Variants in EIF5B observed in about 807,000 individuals in gnomAD.
The protein encoded by EIF5B is eukaryotic translation initiation factor 5B.
A neutral mutation model predicts 147.5 loss-of-function variants in EIF5B; 47 were observed. The observed-to-expected ratio is 0.32, with a 90% confidence interval of 0.25 to 0.41. EIF5B has a LOEUF of 0.41. Ranked by LOEUF, EIF5B falls within the 10% of genes least tolerant of loss-of-function variation. The pLI is 1.00. For synonymous variants in EIF5B, 455 were observed against 456.2 expected (o/e 1.00, Z 0.03); for missense variants, 1,064 against 1,413.2 (o/e 0.75, Z 3.96).
chr2:99,362,839 A>G (rs370053174), intron 4 of EIF5B, among the ~76,000 whole-genome samples: 30 of 151,000 alleles, frequency 2.0e-4, no homozygotes, highest in African/African-American at 6.3e-4. Flanking sequence ...GCTCACTGCA[A>G]CCTCCTCTTT....
At chr2:99,352,442 G>T (rs1402898862) in intron 1 of EIF5B, among the ~76,000 whole-genome samples, 1 of 151,104 alleles carries the variant, frequency 6.6e-6, no homozygotes, top group African/African-American at 2.4e-5. Context: ...TGATCCACCC[G>T]CTTTGGCTTC....
chr2:99,396,928 A>G (rs1431891018), intron 22 of EIF5B, 30 bp downstream of exon 22: 1 of 1,581,536 alleles, frequency 6.3e-7, no homozygotes, highest in Admixed American at 1.9e-5. Context: ...TCTGTGGGTC[A>G]TTTCTTAAAG....
At chr2:99,384,128 C>T (rs1462255435) in intron 14 of EIF5B, among the ~76,000 whole-genome samples, 5 of 138,610 alleles carry the variant, frequency 3.6e-5, no homozygotes, top group South Asian at 2.2e-4. Flanking sequence ...ACCCGGGAGG[C>T]GGAGCTTGCA....
intron 1 of EIF5B, among the ~76,000 whole-genome samples, chr2:99,352,145 T>TGA (rs1253744377): frequency 1.3e-5 from 2 of 152,246 alleles, no homozygotes; most frequent in Non-Finnish European, 2.9e-5. Flanking sequence ...AAATCCTTTA[T>TGA]GAGATATATG....
intron 1 of EIF5B, among the ~76,000 whole-genome samples, chr2:99,343,079 G>C (rs904609602): frequency 6.6e-6 from 1 of 151,610 alleles, no homozygotes. Flanking sequence ...TCATGCCTCA[G>C]CCTCCCAAGT....
intron 14 of EIF5B, among the ~76,000 whole-genome samples, chr2:99,386,542 T>C (rs1674812799): frequency 6.6e-6 from 1 of 151,220 alleles, no homozygotes; most frequent in Non-Finnish European, 1.5e-5. Context: ...TGTGTTTTTT[T>C]TTTTGGAGAC....
At chr2:99,374,394 A>G (rs921968051) in intron 9 of EIF5B, among the ~76,000 whole-genome samples, 1 of 150,874 alleles carries the variant, frequency 6.6e-6, no homozygotes, top group Non-Finnish European at 1.5e-5. Context: ...CTTACTATTT[A>G]TAAGTTTACC....
intron 23 of EIF5B, 96 bp downstream of exon 23, chr2:99,399,005 G>T: frequency 7.1e-7 from 1 of 1,403,438 alleles, no homozygotes; most frequent in Non-Finnish European, 9.7e-7. Context: ...CAGTTTGATT[G>T]TAGAATCTGA....
chr2:99,350,330 A>G (rs754912861), intron 1 of EIF5B, among the ~76,000 whole-genome samples: 2 of 152,172 alleles, frequency 1.3e-5, no homozygotes, highest in Non-Finnish European at 2.9e-5. Context: ...GTTAGATTAT[A>G]TGATAGTTCT....
At chr2:99,337,756 G>A (rs919321171) in intron 1 of EIF5B, among the ~76,000 whole-genome samples, 167 bp downstream of exon 1, 1 of 152,208 alleles carries the variant, frequency 6.6e-6, no homozygotes, top group African/African-American at 2.4e-5. Context: ...CGGGCCGGGT[G>A]GGCACGTAGG....
chr2:99,347,764 G>A (rs1278692821), intron 1 of EIF5B, among the ~76,000 whole-genome samples: 1 of 151,962 alleles, frequency 6.6e-6, no homozygotes, highest in Admixed American at 6.6e-5. Flanking sequence ...TGACAAAAAG[G>A]TTTAATTTAC....
intron 9 of EIF5B, among the ~76,000 whole-genome samples, chr2:99,373,279 G>T (rs1434713512): frequency 6.6e-6 from 1 of 152,154 alleles, no homozygotes; most frequent in East Asian, 1.9e-4. Flanking sequence ...CTAAAGAACA[G>T]AAATGTGTTT....
intron 8 of EIF5B, among the ~76,000 whole-genome samples, chr2:99,371,370 C>T (rs1674444698): frequency 6.6e-6 from 1 of 151,878 alleles, no homozygotes. Flanking sequence ...CATCTGTAGT[C>T]CCAGCTACTT....
At chr2:99,345,880 G>T (rs372302646) in intron 1 of EIF5B, among the ~76,000 whole-genome samples, 26 of 151,388 alleles carry the variant, frequency 1.7e-4, no homozygotes, top group East Asian at 1.2e-3. Flanking sequence ...GGAGGTCAAG[G>T]CTGCAGTGAG....
Position 99,379,430 on chromosome 2 carries a change from T to C in EIF5B, c.2061+2T>C. On this transcript the variant is annotated splice_donor_variant, in intron 12 of 23. Transcript: ENST00000289371. LOFTEE classifies it high-confidence loss of function. ...GAACAGACTAAGATGATTAAAAATGTAAGTACATTGTATTTCATGTATTTT... is the reference window on the plus strand; with the variant it reads ...GAACAGACTAAGATGATTAAAAATGCAAGTACATTGTATTTCATGTATTTT... The C allele has an allele frequency of 6.3e-7, 1 of 1,596,940 alleles. No homozygotes were observed. Among genetic ancestry groups the C allele is most frequent in the East Asian group, 2.2e-5 (1 of 44,734 alleles).
At chr2:99,371,145 A>G (rs1489656250) in intron 8 of EIF5B, 1 of 152,224 alleles carries the variant, frequency 6.6e-6, no homozygotes, top group Non-Finnish European at 1.5e-5. Context: ...CAGTAGTAGG[A>G]AATGGAAGCA....
At position 99,360,585 on chromosome 2, in the gene EIF5B, G is replaced by A. The variant is rs140951041; in HGVS notation, c.246+36G>A. ...GACCTTTGTTACCTATTCGTATTTCGTATTCTATTCTTTCTTCTTAATGTT... is the reference window on the plus strand; with the variant it reads ...GACCTTTGTTACCTATTCGTATTTCATATTCTATTCTTTCTTCTTAATGTT... On this transcript the variant is annotated intron_variant, in intron 3 of 23. Coordinates refer to ENST00000289371, the MANE Select transcript of EIF5B (RefSeq NM_015904.4). The A allele has an allele frequency of 1.5e-3, 2,454 of 1,590,020 alleles. 31 individuals are homozygous for A. The highest frequency in any genetic ancestry group is 2.6e-3 in the East Asian group (114 of 44,530).
At chr2:99,352,144 A>G (rs1417028012) in intron 1 of EIF5B, among the ~76,000 whole-genome samples, 1 of 152,182 alleles carries the variant, frequency 6.6e-6, no homozygotes, top group Non-Finnish European at 1.5e-5. Context: ...CAAATCCTTT[A>G]TGAGATATAT....
chr2:99,376,556 A>T lies in EIF5B; in HGVS notation c.1762A>T (p.Ser588Cys), dbSNP rs111801819. Reference sequence around the variant, plus strand: ...AGATAAAAAGCCAAGTAAAGAAATGAGCTCAGATTCTGAATATGACTCTGA... The same window carrying T: ...AGATAAAAAGCCAAGTAAAGAAATGTGCTCAGATTCTGAATATGACTCTGA... ...TLDKKPSKEMSSDSEYDSDDD... is the reference protein window; with the variant it reads ...TLDKKPSKEMCSDSEYDSDDD... Residue 588 changes from serine to cysteine, a missense_variant, in exon 10 of 24, where the codon AGC (serine) becomes TGC (cysteine). Ser to Cys is a moderately radical substitution (Grantham distance 112, BLOSUM62 -1). Coordinates refer to ENST00000289371, the MANE Select transcript of EIF5B (RefSeq NM_015904.4). 1 of 1,614,100 alleles carries T rather than the reference A, an allele frequency of 6.2e-7. No individual in the cohort carries two copies. Among genetic ancestry groups the T allele is most frequent in the Admixed American group, 1.7e-5 (1 of 60,020 alleles).
Sources: allele counts gnomAD v4.1 joint callset (sites outside exome capture counted in the v4.1 genomes callset), GRCh38; gene constraint gnomAD v4.1.1; transcripts MANE v1.5; gene names NCBI Gene and HGNC (gene_info 2026-07-23, HGNC 2026-07-21).